The following AGBL1 variants were observed in gnomAD, a reference collection of about 807,000 sequenced individuals.
AGBL1 encodes the protein AGBL carboxypeptidase 1, also known as cytosolic carboxypeptidase 4.
In AGBL1, 130 loss-of-function variants were observed where a neutral mutation model predicts 118.9. The ratio of observed to expected loss-of-function variants is 1.09; its 90% CI spans 0.95 to 1.26. The LOEUF (loss-of-function observed/expected upper bound fraction) is 1.26, where lower values mean the gene tolerates loss of function less well. AGBL1 is among the 50% of genes most tolerant of loss of function. The pLI is 0.00. For synonymous variants in AGBL1, 555 were observed against 478.9 expected, an observed-to-expected ratio of 1.16 and a Z score of -2.08; for missense variants, 1,584 against 1,298.1, an observed-to-expected ratio of 1.22 and a Z score of -3.38.
chr15:86,091,497 G>A (rs1896022378), intron 1 of AGBL1, among the ~76,000 whole-genome samples: 2 of 152,232 alleles, frequency 1.3e-5, no homozygotes, highest in Non-Finnish European at 2.9e-5. Flanking sequence ...ATTTCTGTCT[G>A]CCTATGCAGT....
chr15:86,193,258 A>G (rs1180485519), intron 5 of AGBL1, among the ~76,000 whole-genome samples: 1 of 152,140 alleles, frequency 6.6e-6, no homozygotes, highest in Non-Finnish European at 1.5e-5. Context: ...ATTTTTTCCA[A>G]GAAACGAAAG....
chr15:86,272,306 T>G (rs999431071), intron 15 of AGBL1, among the ~76,000 whole-genome samples: 3 of 152,210 alleles, frequency 2.0e-5, no homozygotes, highest in Admixed American at 1.3e-4. Context: ...ATGAAAGAAA[T>G]GCATTCCAGC....
At chr15:86,689,668 C>A (rs2086128013) in intron 22 of AGBL1, among the ~76,000 whole-genome samples, 1 of 152,020 alleles carries the variant, frequency 6.6e-6, no homozygotes, top group African/African-American at 2.4e-5. Context: ...ACCTCAAATT[C>A]TGTCCTATTA....
At chr15:86,829,817 C>G (rs1248015338) in intron 22 of AGBL1, among the ~76,000 whole-genome samples, 1 of 151,880 alleles carries the variant, frequency 6.6e-6, no homozygotes, top group Non-Finnish European at 1.5e-5. Flanking sequence ...CTATTTATAA[C>G]ATAGATTTAT....
Position 86,798,113 on chromosome 15 carries a change from C to A in AGBL1, c.3159-108974C>A, listed in dbSNP as rs16977993. Among the ~76,000 whole-genome samples, 677 of 152,236 alleles carry A rather than the reference C, an allele frequency of 4.4e-3. 7 individuals carry two copies. The highest frequency in any genetic ancestry group is 0.016 in the African/African-American group (651 of 41,528). On this transcript the variant is annotated intron_variant, in intron 22 of 22. Coordinates refer to ENST00000614907, the MANE Select transcript of AGBL1 (RefSeq NM_001386094.1). ...GCTGTCACTGCAGTCCCTTGGTATC[C>A]ATTAGACTGCAGACCATAGAACAGA...
chr15:86,980,780 T>C (rs2081224267), intron 23 of AGBL1, among the ~76,000 whole-genome samples: 1 of 151,956 alleles, frequency 6.6e-6, no homozygotes, highest in Admixed American at 6.6e-5. Context: ...ACTCAAATTA[T>C]ATATTATTTT....
At chr15:87,029,867 A>G (rs980968724), downstream of AGBL1, among the ~76,000 whole-genome samples, 11 of 151,954 alleles carry the variant, frequency 7.2e-5, no homozygotes, top group African/African-American at 2.7e-4. Context: ...ACTAAAATGC[A>G]TAGCACTTCT....
At chr15:86,141,393 A>G (rs1481635462) in intron 1 of AGBL1, among the ~76,000 whole-genome samples, 1 of 152,194 alleles carries the variant, frequency 6.6e-6, no homozygotes. Flanking sequence ...GTGGTGGCTC[A>G]TGCCTGTAAT....
chr15:86,804,478 C>CAA (rs574681363), intron 22 of AGBL1, among the ~76,000 whole-genome samples: 1 of 151,942 alleles, frequency 6.6e-6, no homozygotes, highest in Non-Finnish European at 1.5e-5. Flanking sequence ...AGAAACACAA[C>CAA]AAAAAAACCC....
intron 21 of AGBL1, among the ~76,000 whole-genome samples, chr15:86,650,563 C>G (rs573869686): frequency 2.0e-5 from 3 of 152,082 alleles, no homozygotes; most frequent in Non-Finnish European, 4.4e-5. Context: ...GCCAAGAATT[C>G]TATTGCTTGT....
Position 86,689,606 on chromosome 15 carries a change from G to A in AGBL1, c.3158+15170G>A, listed in dbSNP as rs113951719. On this transcript the variant is annotated intron_variant, in intron 22 of 22. Coordinates refer to ENST00000614907, the MANE Select transcript of AGBL1 (RefSeq NM_001386094.1). ...CATTGATGGAATATATTCAAAATAC[G>A]CTGATTAATGGATATTAATTAACCT... Among the ~76,000 whole-genome samples, 102 of 152,050 alleles carry A rather than the reference G, an allele frequency of 6.7e-4. 2 individuals are homozygous for A. Among genetic ancestry groups the A allele is most frequent in the African/African-American group, 2.1e-3 (86 of 41,506 alleles).
chr15:86,917,800 G>A (rs1286794546), downstream of AGBL1, among the ~76,000 whole-genome samples: 1 of 151,956 alleles, frequency 6.6e-6, no homozygotes, highest in Non-Finnish European at 1.5e-5. This position sits in a 1 kb window ranked among gnomAD's most constrained non-coding sequence, Gnocchi z 4.8. Flanking sequence ...GAAGAGAGAG[G>A]ATGAGGACTT....
At chr15:86,931,053 T>G (rs879422985) in intron 23 of AGBL1, among the ~76,000 whole-genome samples, 1 of 152,144 alleles carries the variant, frequency 6.6e-6, no homozygotes, top group Non-Finnish European at 1.5e-5. Context: ...CTGCCGTCTT[T>G]TACTCCAAAT....
chr15:86,624,491 A>G (rs1185150290), intron 21 of AGBL1, among the ~76,000 whole-genome samples: 1 of 152,176 alleles, frequency 6.6e-6, no homozygotes. Context: ...ATCGATTCTG[A>G]GTCATTTCCT....
At chr15:87,015,899 AT>A (rs1354121641) in intron 24 of AGBL1, among the ~76,000 whole-genome samples, 1 of 152,148 alleles carries the variant, frequency 6.6e-6, no homozygotes, top group Non-Finnish European at 1.5e-5. Flanking sequence ...ATGATGTTAA[AT>A]TTGCCAACTG....
chr15:86,411,693 A>T (rs1489890596), intron 18 of AGBL1, among the ~76,000 whole-genome samples: 1 of 152,130 alleles, frequency 6.6e-6, no homozygotes, highest in Non-Finnish European at 1.5e-5. Context: ...CTCTGGTCCG[A>T]TAACTAATGG....
chr15:86,577,752 G>A (rs772845448), intron 21 of AGBL1, among the ~76,000 whole-genome samples: 1 of 152,146 alleles, frequency 6.6e-6, no homozygotes, highest in East Asian at 1.9e-4. Context: ...CATAGAGCTC[G>A]GGCCATGGCT....
chr15:86,599,723 C>A (rs930918074), intron 21 of AGBL1, among the ~76,000 whole-genome samples: 3 of 152,024 alleles, frequency 2.0e-5, no homozygotes, highest in African/African-American at 7.2e-5. Context: ...AATTCTTATT[C>A]CCCGATTCCT....
At chr15:86,351,421 T>C (rs183924075) in intron 17 of AGBL1, among the ~76,000 whole-genome samples, 50 of 152,282 alleles carry the variant, frequency 3.3e-4, no homozygotes, top group Non-Finnish European at 4.0e-4. Context: ...ATTCAAATGA[T>C]AGTACCTGCT....
Sources: gnomAD v4.1 joint callset for allele counts (sites outside exome capture counted in the v4.1 genomes callset) on GRCh38, gnomAD v4.1.1 for gene constraint, Gnocchi (gnomAD v3.1) non-coding constraint, MANE v1.5 for transcripts, NCBI Gene and HGNC (gene_info 2026-07-23, HGNC 2026-07-21) for gene names.